POM121: variants seen among roughly 807,000 people sequenced by gnomAD.
POM121 encodes POM121 transmembrane nucleoporin.
A neutral mutation model predicts 81.3 loss-of-function variants in POM121; 32 were observed. The ratio of observed to expected loss-of-function variants is 0.39; its 90% CI spans 0.30 to 0.53. The LOEUF (loss-of-function observed/expected upper bound fraction) is 0.53. Ranked by LOEUF, POM121 falls within the 20% of genes least tolerant of loss-of-function variation. The pLI is 0.66. For synonymous variants in POM121, 514 were observed against 694.2 expected (o/e 0.74, Z 4.08); for missense variants, 1,138 against 1,614.6 (o/e 0.70, Z 5.06).
At chr7:72,911,495 C>T (rs1793797945) in intron 3 of POM121, among the ~76,000 whole-genome samples, 1 of 152,232 alleles carries the variant, frequency 6.6e-6, no homozygotes, top group African/African-American at 2.4e-5. Context: ...GATTGTGTCT[C>T]ATGTCCCATC....
At chr7:72,893,601 C>CA (rs1791532359) in intron 3 of POM121, among the ~76,000 whole-genome samples, 1 of 152,122 alleles carries the variant, frequency 6.6e-6, no homozygotes, top group Non-Finnish European at 1.5e-5. Context: ...AAAAACGTAA[C>CA]ATACGATTTA....
chr7:72,911,137 C>A (rs1793763161), intron 3 of POM121, among the ~76,000 whole-genome samples: 1 of 152,210 alleles, frequency 6.6e-6, no homozygotes, highest in Admixed American at 6.5e-5. Context: ...GCGCTCGCCA[C>A]CACGCCCAGC....
chr7:72,937,110 C>T (rs183259072), intron 5 of POM121, among the ~76,000 whole-genome samples: 57 of 152,204 alleles, frequency 3.7e-4, no homozygotes, highest in Non-Finnish European at 6.5e-4. Context: ...CAAAAATTAG[C>T]TGGGTGTGGT....
Position 72,925,208 on chromosome 7 carries a change from C to T in POM121, c.87C>T (p.Gly29=), listed in dbSNP as rs1554496865. 3 of 1,524,332 alleles carry T rather than the reference C, an allele frequency of 2.0e-6. No individual in the cohort carries two copies. The South Asian group carries it at 3.6e-5, about 18-fold the overall frequency. The allele number at this position is 1,524,332 out of a possible 1,614,324, so 94.4% of individuals were successfully genotyped here. A position where few individuals can be genotyped will look rare whatever the true frequency, so the allele number is the denominator to read the frequency against. Reference sequence around the variant, plus strand: ...GGGACGGCCGGGGCCGGGGCTGCGGCGGGCCGGCCAGGGCGGTGCTCCTGG... The same window carrying T: ...GGGACGGCCGGGGCCGGGGCTGCGGTGGGCCGGCCAGGGCGGTGCTCCTGG... ...SVRDGRGRGC[G]GPARAVLLGL... Residue 29 remains glycine, a synonymous_variant, in exon 1 of 13, where the codon GGC becomes GGT. Transcript: ENST00000434423.
chr7:72,892,309 A>G (rs2129574889), intron 3 of POM121, among the ~76,000 whole-genome samples: 1 of 152,356 alleles, frequency 6.6e-6, no homozygotes, highest in South Asian at 2.1e-4. Flanking sequence ...ATATAGCAGT[A>G]CCAGTGAGAT....
At chr7:72,880,013 A>C (rs1563127188) in intron 1 of POM121, 1 of 367,876 alleles carries the variant, frequency 2.7e-6, no homozygotes, top group Non-Finnish European at 5.4e-6. Context: ...GTTGGGTTTG[A>C]GGGCAAGGTC....
chr7:72,903,989 G>C (rs1253525072), intron 3 of POM121, among the ~76,000 whole-genome samples: 1 of 152,162 alleles, frequency 6.6e-6, no homozygotes, highest in Non-Finnish European at 1.5e-5. Context: ...TTTTAGTAGA[G>C]ACGGGGGTTT....
intron 3 of POM121, among the ~76,000 whole-genome samples, chr7:72,908,385 G>A (rs1793480721): frequency 6.6e-6 from 1 of 152,082 alleles, no homozygotes; most frequent in Admixed American, 6.5e-5. Flanking sequence ...CTAGGGTGTG[G>A]GTCACAGAAA....
intron 3 of POM121, among the ~76,000 whole-genome samples, chr7:72,901,087 G>A (rs1792584688): frequency 6.6e-6 from 1 of 151,728 alleles, no homozygotes; most frequent in Non-Finnish European, 1.5e-5. Context: ...CTGAGCTCCA[G>A]GAATCCTCCC....
downstream of POM121, chr7:72,948,534 C>G (rs782376226): frequency 4.3e-6 from 7 of 1,613,360 alleles, no homozygotes; most frequent in Non-Finnish European, 5.1e-6. Flanking sequence ...TTGCTCTCTT[C>G]TTTCTCTTTG....
At chr7:72,891,174 A>C in intron 3 of POM121, 2 of 629,356 alleles carry the variant, frequency 3.2e-6, no homozygotes, top group Middle Eastern at 2.9e-4. Flanking sequence ...GTGACTAAAG[A>C]GTTGTTTATA....
intron 3 of POM121, among the ~76,000 whole-genome samples, chr7:72,893,406 A>AC (rs1210551619): frequency 2.7e-5 from 4 of 148,786 alleles, no homozygotes; most frequent in Non-Finnish European, 6.0e-5. Context: ...ACACGGTGAA[A>AC]CCCCGTCTCT....
intron 3 of POM121, among the ~76,000 whole-genome samples, chr7:72,903,185 C>T (rs1792880486): frequency 6.6e-6 from 1 of 152,174 alleles, no homozygotes; most frequent in Non-Finnish European, 1.5e-5. Context: ...CCTGTAATCT[C>T]AGCACTTTGG....
chr7:72,925,081 A>G (rs1179305263), upstream of POM121: 6 of 1,379,228 alleles, frequency 4.4e-6, no homozygotes, highest in East Asian at 6.0e-5. Flanking sequence ...GGCGCGGTGC[A>G]CGCTGGGATA....
intron 3 of POM121, among the ~76,000 whole-genome samples, chr7:72,898,054 C>T (rs558149597): frequency 8.5e-5 from 13 of 152,170 alleles, no homozygotes; most frequent in Middle Eastern, 3.4e-3. Flanking sequence ...AAAAGATTTG[C>T]AGATGCTTTG....
intron 3 of POM121, among the ~76,000 whole-genome samples, chr7:72,897,963 G>A (rs1554491974): frequency 6.6e-6 from 1 of 152,170 alleles, no homozygotes; most frequent in Non-Finnish European, 1.5e-5. Flanking sequence ...TGGCTGCAGT[G>A]AGCTGTGATC....
chr7:72,923,640 C>T (rs1795049535), upstream of POM121, among the ~76,000 whole-genome samples: 2 of 128,190 alleles, frequency 1.6e-5, no homozygotes, highest in South Asian at 5.1e-4. Context: ...CGCTCTGTCG[C>T]CCAGGCTGGA....
intron 3 of POM121, among the ~76,000 whole-genome samples, chr7:72,897,253 A>G (rs1554491849): frequency 6.6e-6 from 1 of 152,218 alleles, no homozygotes; most frequent in Non-Finnish European, 1.5e-5. Flanking sequence ...ATTACTTTTT[A>G]TAAGGTGGTT....
chr7:72,949,167 C>T, downstream of POM121: 2 of 1,294,854 alleles, frequency 1.5e-6, no homozygotes, highest in Non-Finnish European at 2.2e-6. Flanking sequence ...ATCCTCGCTC[C>T]TGAAATCCTC....
Sources: gnomAD v4.1 joint callset for allele counts (sites outside exome capture counted in the v4.1 genomes callset) on GRCh38, gnomAD v4.1.1 for gene constraint, MANE v1.5 for transcripts, NCBI Gene and HGNC (gene_info 2026-07-23, HGNC 2026-07-21) for gene names.